Variants in BEST3 observed in about 807,000 individuals in gnomAD.
The protein encoded by BEST3 is bestrophin 3, also known as bestrophin-3.
A neutral mutation model predicts 47.1 loss-of-function variants in BEST3; 50 were observed. That is an observed-to-expected ratio of 1.06 (90% CI 0.85 to 1.34). The LOEUF (loss-of-function observed/expected upper bound fraction) is 1.34. Among genes scored for constraint, BEST3 ranks in the 40% most tolerant of loss-of-function variants. The pLI is 0.00. For missense variants in BEST3, 765 were observed against 817.0 expected, an observed-to-expected ratio of 0.94 and a Z score of 0.78; for synonymous variants, 282 against 298.8, an observed-to-expected ratio of 0.94 and a Z score of 0.58.
At position 69,655,832 on chromosome 12, in the gene BEST3, A is replaced by T; in HGVS notation, c.1101-19T>A. 1 of 1,582,786 alleles carries T rather than the reference A, an allele frequency of 6.3e-7. No homozygotes were observed. The highest frequency in any genetic ancestry group is 1.1e-5 in the South Asian group (1 of 88,302). On this transcript the variant is annotated intron_variant, in intron 9 of 9. Transcript: ENST00000330891. ...AGACAGCCTGAAACACACAATGACA[A>T]GATCCAGGCAGAGTAGCTTCGGGGG...
intron 4 of BEST3, among the ~76,000 whole-genome samples, chr12:69,691,707 G>C (rs775424): frequency 0.4 from 60,137 of 152,030 alleles, 12,614 homozygotes; most frequent in East Asian, 0.73. Context: ...CAGGGGAATC[G>C]CTTGAACCCA....
In BEST3 at chr12:69,677,243, G is replaced by T. The variant is rs556546964; in HGVS notation, c.651C>A (p.Tyr217Ter). ...CGAATAAGAGGCTGCACCAAGAGCG[G>T]TATCGATTCATTTCCTAAGCCAGAA... Reference protein sequence around the residue: ...LQSLMTEMNRYRSWCSLLFGY... With the variant: ...LQSLMTEMNR The change falls in exon 6 of 10, where the codon TAC becomes TAA. Residue 217 changes from tyrosine to a stop codon, truncating the protein, a stop_gained. Transcript: ENST00000330891. LOFTEE classifies it high-confidence loss of function. 59 of 1,612,400 alleles carry T rather than the reference G, an allele frequency of 3.7e-5. No individual in the cohort carries two copies. The South Asian group carries it at 5.8e-4, about 16-fold the overall frequency.
At chr12:69,693,032 G>A (rs1040887381) in intron 4 of BEST3, among the ~76,000 whole-genome samples, 20 of 152,102 alleles carry the variant, frequency 1.3e-4, no homozygotes, top group Non-Finnish European at 2.1e-4. Flanking sequence ...CAAACAGCTC[G>A]CCCAGCCAGA....
intron 9 of BEST3, chr12:69,660,707 A>G (rs1883821296): frequency 6.6e-6 from 1 of 152,208 alleles, no homozygotes; most frequent in Non-Finnish European, 1.5e-5. Context: ...TGTGTCACAT[A>G]TTGGTCTATT....
At chr12:69,684,596 A>C in intron 4 of BEST3, 2 of 678,856 alleles carry the variant, frequency 2.9e-6, no homozygotes, top group South Asian at 1.6e-5. Context: ...AATGGGTTTC[A>C]TGCCAGTTCT....
chr12:69,695,001 T>C (rs1886079521), intron 2 of BEST3, among the ~76,000 whole-genome samples: 1 of 152,186 alleles, frequency 6.6e-6, no homozygotes, highest in African/African-American at 2.4e-5. Context: ...GTTTGGAGTC[T>C]AAAACAAATT....
intron 4 of BEST3, among the ~76,000 whole-genome samples, chr12:69,690,721 C>T (rs1329302638): frequency 2.6e-5 from 4 of 152,120 alleles, no homozygotes; most frequent in African/African-American, 4.8e-5. Context: ...ATAGGTCATA[C>T]GTTTCTTGTT....
intron 4 of BEST3, among the ~76,000 whole-genome samples, chr12:69,680,769 A>G (rs775483): frequency 0.3 from 45,812 of 151,960 alleles, 7,375 homozygotes; most frequent in East Asian, 0.49. Flanking sequence ...TTCCAGAGAA[A>G]TCTCATGGAT....
At chr12:69,695,930 G>A (rs1886116979) in intron 2 of BEST3, among the ~76,000 whole-genome samples, 2 of 152,076 alleles carry the variant, frequency 1.3e-5, no homozygotes, top group Admixed American at 1.3e-4. Flanking sequence ...AATTTTAATA[G>A]CTAGAAAGTA....
intron 4 of BEST3, among the ~76,000 whole-genome samples, chr12:69,683,073 A>C (rs1440400315): frequency 6.6e-6 from 1 of 152,220 alleles, no homozygotes; most frequent in Non-Finnish European, 1.5e-5. Context: ...CCAAAGAATA[A>C]CTTTATCTCT....
At chr12:69,674,159 A>AAAT (rs1429229366) in intron 7 of BEST3, among the ~76,000 whole-genome samples, 1 of 152,082 alleles carries the variant, frequency 6.6e-6, no homozygotes. Context: ...TAAATGTGTA[A>AAAT]AATAAAGGCA....
Position 69,662,576 on chromosome 12 carries a change from G to A in BEST3, c.1101-6763C>T, listed in dbSNP as rs550856307. Among the ~76,000 whole-genome samples, 11 of 152,160 alleles carry A rather than the reference G, an allele frequency of 7.2e-5. No individual in the cohort carries two copies. In the South Asian group the frequency reaches 2.1e-3, roughly 29 times the overall value. On this transcript the variant is annotated intron_variant, in intron 9 of 9. Transcript: ENST00000330891. ...TACTAAAAAATCATGTTACATATTC[G>A]TAGAACTTTTCGAATAAAGATAGAT...
chr12:69,643,678 G>C, exon 10 of BEST3: 1 of 658,798 alleles, frequency 1.5e-6, no homozygotes, highest in South Asian at 1.8e-5. Context: ...TGAAAGATTC[G>C]AGTGTTGTAC....
Position 69,697,790 on chromosome 12 carries a change from G to T in BEST3, c.9C>A (p.Val3=). The change falls in exon 2 of 10, where the codon GTC becomes GTA. Residue 3 remains valine (V), a synonymous_variant. Coordinates refer to ENST00000330891, the MANE Select transcript of BEST3 (RefSeq NM_032735.3). ...CATTTGCTACTTTACTGGAGTAAGT[G>T]ACAGTCATCTTGGATAGTTTTTTCT... MT[V]TYSSKVANAT... The T allele has an allele frequency of 6.2e-7, 1 of 1,604,642 alleles. No individual in the cohort carries two copies. Among genetic ancestry groups the T allele is most frequent in the South Asian group, 1.1e-5 (1 of 88,672 alleles).
intron 9 of BEST3, chr12:69,661,404 A>ACT (rs1883863614): frequency 6.6e-6 from 1 of 152,206 alleles, no homozygotes; most frequent in Admixed American, 6.5e-5. Context: ...TCTACTTCTC[A>ACT]CTGCAGATTT....
rs909889156 is a variant in BEST3 at position 69,653,870 on chromosome 12, G to A, written c.*1037C>T. ...AGTAACTGGTCCCGTGTTGCGACAC[G>A]ATTAGGATTTTTGCATAAGAGTTCA... On this transcript the variant is annotated 3_prime_UTR_variant, in exon 10 of 10. Transcript: ENST00000330891. 62 of 985,302 alleles carry A rather than the reference G, an allele frequency of 6.3e-5. No individual in the cohort carries two copies. Among genetic ancestry groups the A allele is most frequent in the Non-Finnish European group, 6.9e-5 (57 of 829,946 alleles). The allele number at this position is 985,302 out of a possible 1,614,324, so 61.0% of individuals were successfully genotyped here. A position where few individuals can be genotyped will look rare whatever the true frequency, so the allele number is the denominator to read the frequency against.
intron 9 of BEST3, among the ~76,000 whole-genome samples, chr12:69,667,825 G>A (rs755005605): frequency 6.6e-6 from 1 of 152,018 alleles, no homozygotes; most frequent in Non-Finnish European, 1.5e-5. Flanking sequence ...ATCTGGCATA[G>A]AACCTACCTC....
chr12:69,693,269 T>C (rs1885998227), intron 4 of BEST3, among the ~76,000 whole-genome samples: 1 of 149,558 alleles, frequency 6.7e-6, no homozygotes, highest in Admixed American at 6.7e-5. Flanking sequence ...TTTTCTTTTT[T>C]TTTTTTTGAG....
chr12:69,659,831 C>G (rs866218117), intron 9 of BEST3, among the ~76,000 whole-genome samples: 1 of 151,962 alleles, frequency 6.6e-6, no homozygotes, highest in South Asian at 2.1e-4. Context: ...AAATATTATA[C>G]GATAGAATAA....
Sources: gnomAD v4.1 joint callset for allele counts (sites outside exome capture counted in the v4.1 genomes callset) on GRCh38, gnomAD v4.1.1 for gene constraint, MANE v1.5 for transcripts, NCBI Gene and HGNC (gene_info 2026-07-23, HGNC 2026-07-21) for gene names.